The following EFHB variants were observed in gnomAD, a reference collection of about 807,000 sequenced individuals.
EFHB encodes EF-hand domain family member B.
EFHB carries 91 observed loss-of-function variants against 87.2 expected under a neutral mutation model. The observed-to-expected ratio is 1.04, with a 90% CI of 0.88 to 1.24. The LOEUF is 1.24. Ranked by LOEUF, EFHB falls within the 50% of genes most tolerant of loss-of-function variation. The pLI, the probability that EFHB is intolerant of heterozygous loss-of-function variation, is 0.00. For missense variants in EFHB, 1,084 were observed against 998.8 expected, an observed-to-expected ratio of 1.09 and a Z score of -1.15; for synonymous variants, 325 against 333.6, an observed-to-expected ratio of 0.97 and a Z score of 0.28.
intron 6 of EFHB, among the ~76,000 whole-genome samples, chr3:19,902,827 A>G (rs1290090009): frequency 6.6e-6 from 1 of 152,218 alleles, no homozygotes; most frequent in African/African-American, 2.4e-5. Flanking sequence ...TTAAACTGCA[A>G]CCAAAAGAAT....
At position 19,927,140 on chromosome 3, in the gene EFHB, A is replaced by G. The variant is rs577385820; in HGVS notation, c.789+6090T>C. Among the ~76,000 whole-genome samples the G allele has an allele frequency of 2.2e-4, 33 of 152,248 alleles. No individual in the cohort carries two copies. The South Asian group carries it at 4.1e-3, about 19-fold the overall frequency. On this transcript the variant is annotated intron_variant, in intron 1 of 12. Transcript: ENST00000295824. Reference sequence around the variant, plus strand: ...TCGTCTTTCTATTCCAGGGCTCAATATCATTTACCAATGCACTTTGTATGC... The same window carrying G: ...TCGTCTTTCTATTCCAGGGCTCAATGTCATTTACCAATGCACTTTGTATGC...
intron 1 of EFHB, among the ~76,000 whole-genome samples, chr3:19,927,005 G>A (rs1695654568): frequency 6.6e-6 from 1 of 152,184 alleles, no homozygotes; most frequent in Admixed American, 6.6e-5. Flanking sequence ...AACCAGGCTG[G>A]AGTGAAGTGA....
Position 19,884,561 on chromosome 3 carries a change from T to G in EFHB, c.1988A>C (p.Gln663Pro), listed in dbSNP as rs9868950. 12,011 of 1,613,942 alleles carry G rather than the reference T, an allele frequency of 7.4e-3. 649 individuals are homozygous for G. The African/African-American group carries it at 0.13, about 17-fold the overall frequency. ...ATCTTCTGGCTTTATGAGGAGAGTTTGTTCAGGTTCTTCAACATTAGCCTC... is the reference window on the plus strand; with the variant it reads ...ATCTTCTGGCTTTATGAGGAGAGTTGGTTCAGGTTCTTCAACATTAGCCTC... The part of the protein sequence containing the change: ...PTEANVEEPE[Q>P]TLLIKPEDIV... Residue 663 changes from glutamine to proline, a missense_variant, in exon 11 of 13, where the codon CAA becomes CCA. Physicochemically the swap from Gln to Pro is moderately conservative, Grantham distance 76. Transcript: ENST00000295824.
At chr3:19,929,708 CAAAAAAAAAAA>C (rs34016968) in intron 1 of EFHB, among the ~76,000 whole-genome samples, 1 of 79,818 alleles carries the variant, frequency 1.3e-5, no homozygotes, top group Admixed American at 1.6e-4. Context: ...GACTCCATCT[CAAAAAAAAAAA>C]AAAAAAAAAA....
At chr3:19,887,484 T>C (rs1378731858) in intron 10 of EFHB, among the ~76,000 whole-genome samples, 2 of 151,766 alleles carry the variant, frequency 1.3e-5, no homozygotes, top group African/African-American at 4.8e-5. Context: ...TTAAAATATA[T>C]ACATATACAC....
intron 9 of EFHB, among the ~76,000 whole-genome samples, chr3:19,893,205 T>C (rs892556879): frequency 2.0e-5 from 3 of 152,052 alleles, no homozygotes; most frequent in Non-Finnish European, 2.9e-5. Context: ...CCTCCCAAAG[T>C]GTTCGGATTA....
At chr3:19,906,320 C>A (rs1286106623) in intron 5 of EFHB, among the ~76,000 whole-genome samples, 1 of 152,080 alleles carries the variant, frequency 6.6e-6, no homozygotes, top group Non-Finnish European at 1.5e-5. Context: ...CAGAGTGAGG[C>A]TCTTTCTCAA....
intron 12 of EFHB, among the ~76,000 whole-genome samples, chr3:19,880,513 A>G (rs1165443595): frequency 6.6e-6 from 1 of 152,122 alleles, no homozygotes; most frequent in Non-Finnish European, 1.5e-5. Context: ...CGGCCTCCCA[A>G]AGTGCTGGGA....
At chr3:19,911,146 C>G (rs940649285) in intron 5 of EFHB, among the ~76,000 whole-genome samples, 1 of 152,110 alleles carries the variant, frequency 6.6e-6, no homozygotes, top group Admixed American at 6.5e-5. Context: ...GCTATATGTC[C>G]TTTCAGATAG....
intron 1 of EFHB, among the ~76,000 whole-genome samples, chr3:19,941,750 G>A (rs1382963336): frequency 2.0e-5 from 3 of 151,554 alleles, no homozygotes; most frequent in African/African-American, 4.9e-5. Flanking sequence ...CCAGCTACTC[G>A]GGAGGCTGAG....
Position 19,934,048 on chromosome 3 carries a change from A to G in EFHB, c.-30T>C. 3 of 1,557,620 alleles carry G rather than the reference A, an allele frequency of 1.9e-6. No individual in the cohort carries two copies. The highest frequency in any genetic ancestry group is 2.6e-6 in the Non-Finnish European group (3 of 1,151,564). ...GATTTCTCCCCATTCTCATTTCTCC[A>G]AGAGCGCTCATCTCTAAGGGGAAAG... On this transcript the variant is annotated 5_prime_UTR_variant, in exon 1 of 13. Transcript: ENST00000295824.
chr3:19,893,576 C>T (rs1158985258), intron 9 of EFHB, among the ~76,000 whole-genome samples: 3 of 152,164 alleles, frequency 2.0e-5, no homozygotes, highest in Non-Finnish European at 4.4e-5. Context: ...AAGAAAAATG[C>T]CTTAGTGCAG....
exon 1 of EFHB, chr3:19,946,930 G>C (rs1696303871): frequency 6.6e-6 from 1 of 152,538 alleles, no homozygotes; most frequent in Admixed American, 6.5e-5. Flanking sequence ...TGGGGTGGGG[G>C]AAGGGGAGAA....
Position 19,899,518 on chromosome 3 carries a change from G to A in EFHB, c.1419-3C>T. On this transcript the variant is annotated splice_polypyrimidine_tract_variant and splice_region_variant and intron_variant, in intron 6 of 12. Transcript: ENST00000295824. ...ATACAAACTTAGCTCCTCTTTTCCT[G>A]CAAAATTAGAACATTATCAGGTATC... The A allele has an allele frequency of 1.3e-6, 2 of 1,592,276 alleles. No homozygotes were observed. The highest frequency in any genetic ancestry group is 1.2e-5 in the South Asian group (1 of 86,058).
intron 1 of EFHB, among the ~76,000 whole-genome samples, chr3:19,927,259 C>A (rs1695663367): frequency 5.3e-5 from 8 of 152,182 alleles, no homozygotes. Context: ...TAGAAAATAA[C>A]CATTGTAGAG....
chr3:19,932,177 T>C (rs544182663), intron 1 of EFHB, among the ~76,000 whole-genome samples: 2 of 152,346 alleles, frequency 1.3e-5, no homozygotes, highest in African/African-American at 4.8e-5. Flanking sequence ...TGCAGTCTCC[T>C]TTCTATTCTT....
In EFHB at chr3:19,905,556, A is replaced by T. The variant is rs988095425; in HGVS notation, c.1418+64T>A. ...CCTCTTCAAAAAATAAAGTTTAAAAATCAACTTTTCTTTAAGTCCAAATGT... is the reference window on the plus strand; with the variant it reads ...CCTCTTCAAAAAATAAAGTTTAAAATTCAACTTTTCTTTAAGTCCAAATGT... On this transcript the variant is annotated intron_variant, in intron 6 of 12. Transcript: ENST00000295824. 5.2e-6 allele frequency: 8 copies of T among 1,531,028 alleles called. No individual in the cohort carries two copies. In the African/African-American group the frequency reaches 1.1e-4, roughly 21 times the overall value. 94.8% of individuals were successfully genotyped at this position (1,531,028 alleles called of 1,614,324 possible).
chr3:19,902,988 C>T (rs981054590), intron 6 of EFHB, among the ~76,000 whole-genome samples: 7 of 151,922 alleles, frequency 4.6e-5, no homozygotes, highest in Middle Eastern at 3.2e-3. Context: ...ACCAGCCTGA[C>T]GATCATGGTG....
At chr3:19,901,679 C>T (rs1318749457) in intron 6 of EFHB, among the ~76,000 whole-genome samples, 5 of 151,970 alleles carry the variant, frequency 3.3e-5, no homozygotes, top group South Asian at 2.1e-4. Flanking sequence ...CCAGGCGCAG[C>T]GGCTCACACC....
Sources: gnomAD v4.1 joint callset for allele counts (sites outside exome capture counted in the v4.1 genomes callset) on GRCh38, gnomAD v4.1.1 for gene constraint, MANE v1.5 for transcripts, NCBI Gene and HGNC (gene_info 2026-07-23, HGNC 2026-07-21) for gene names.